MLC1: variants seen among roughly 807,000 people sequenced by gnomAD.
MLC1 encodes modulator of VRAC current 1.
In MLC1, 32 loss-of-function variants were observed where a neutral mutation model predicts 44.7. The ratio of observed to expected loss-of-function variants is 0.72; its 90% CI spans 0.54 to 0.96. The LOEUF is 0.96. Among genes scored for constraint, MLC1 ranks in the 40% least tolerant of loss-of-function variants. The pLI is 0.00. For missense variants in MLC1, 459 were observed against 492.2 expected (o/e 0.93, Z 0.64); for synonymous variants, 190 against 213.0 (o/e 0.89, Z 0.94).
intron 7 of MLC1, among the ~76,000 whole-genome samples, chr22:50,076,632 A>G (rs1257964936): frequency 6.6e-6 from 1 of 152,208 alleles, no homozygotes; most frequent in Admixed American, 6.5e-5. Flanking sequence ...TAAAAATTAC[A>G]GGACACCAGC....
chr22:50,074,402 G>T, intron 7 of MLC1, 70 bp from the exon 8 acceptor site: 2 of 1,337,246 alleles, frequency 1.5e-6, no homozygotes, highest in Non-Finnish European at 2.1e-6. Context: ...AATGCACTGT[G>T]CAGACATGGA....
intron 7 of MLC1, among the ~76,000 whole-genome samples, chr22:50,075,933 G>A (rs1333332688): frequency 6.6e-6 from 1 of 152,092 alleles, no homozygotes; most frequent in Non-Finnish European, 1.5e-5. Context: ...CGCATGGTCT[G>A]TTTATCAAGG....
intron 8 of MLC1, among the ~76,000 whole-genome samples, chr22:50,072,421 G>A (rs2061875129): frequency 6.6e-6 from 1 of 152,234 alleles, no homozygotes; most frequent in Admixed American, 6.5e-5. Flanking sequence ...CACCACGCAT[G>A]CCTCAGCGCT....
chr22:50,073,419 G>C (rs1230030601), intron 8 of MLC1, among the ~76,000 whole-genome samples: 2 of 152,246 alleles, frequency 1.3e-5, no homozygotes, highest in Non-Finnish European at 2.9e-5. Flanking sequence ...GCTGTGAGGG[G>C]ATCTGGGGTG....
At chr22:50,077,179 G>C (rs1333818821) in intron 6 of MLC1, among the ~76,000 whole-genome samples, 1 of 152,182 alleles carries the variant, frequency 6.6e-6, no homozygotes, top group Admixed American at 6.5e-5. Flanking sequence ...GGAGGGTACA[G>C]CATCTGTCTT....
intron 4 of MLC1, 93 bp from the exon 5 acceptor site, chr22:50,080,112 T>C (rs2062082768): frequency 6.2e-6 from 7 of 1,121,332 alleles, no homozygotes; most frequent in Non-Finnish European, 9.4e-6. Context: ...CACTAAAAAT[T>C]ATCCTGATTA....
intron 10 of MLC1, among the ~76,000 whole-genome samples, chr22:50,066,128 A>G (rs1781308757): frequency 6.6e-6 from 1 of 152,092 alleles, no homozygotes; most frequent in Admixed American, 6.6e-5. Flanking sequence ...GCTTGAGCCC[A>G]GGAGCTCATG....
At chr22:50,082,938 G>T in intron 3 of MLC1, 146 bp downstream of exon 3, 1 of 829,594 alleles carries the variant, frequency 1.2e-6, no homozygotes, top group Non-Finnish European at 2.0e-6. Context: ...GTGCTGGCAT[G>T]ACAGCCATGA....
Position 50,061,409 on chromosome 22 carries a change from G to T in MLC1, c.*174C>A. On this transcript the variant is annotated 3_prime_UTR_variant, in exon 12 of 12. Transcript: ENST00000311597. ...ACTGAGGCACAGACTAGCCAACATT[G>T]GCCTATTTTAAAATTAAACTACCCT... 1.5e-6 allele frequency: 1 copy of T among 686,174 alleles called. No individual in the cohort carries two copies. The highest frequency in any genetic ancestry group is 2.6e-6 in the Non-Finnish European group (1 of 388,412). 42.5% of individuals were successfully genotyped at this position (686,174 alleles called of 1,614,324 possible).
intron 7 of MLC1, among the ~76,000 whole-genome samples, chr22:50,075,601 T>C (rs2061959537): frequency 2.6e-5 from 4 of 151,100 alleles, no homozygotes; most frequent in Admixed American, 1.3e-4. Context: ...TCCCAGCTAC[T>C]CGGGAGGCTG....
chr22:50,074,182 G>T (rs768181061), intron 8 of MLC1, 34 bp downstream of exon 8: 9 of 1,550,972 alleles, frequency 5.8e-6, no homozygotes, highest in Non-Finnish European at 8.0e-6. Context: ...GTGTGGCCCA[G>T]AGCGGCGGCG....
intron 3 of MLC1, among the ~76,000 whole-genome samples, chr22:50,081,043 AAGAAAG>A (rs1331569599): frequency 6.1e-5 from 9 of 147,940 alleles, no homozygotes; most frequent in African/African-American, 2.3e-4. Flanking sequence ...GAAAGAAAGA[AAGAAAG>A]AAAGAAAGAG....
chr22:50,063,751 C>T (rs1272481072), intron 11 of MLC1, among the ~76,000 whole-genome samples: 1 of 144,734 alleles, frequency 6.9e-6, no homozygotes, highest in African/African-American at 2.5e-5. Context: ...GTGCCCCCAC[C>T]CCACAGGCTT....
At position 50,074,198 on chromosome 22, in the gene MLC1, G is replaced by A; in HGVS notation, c.714+18C>T. Reference sequence around the variant, plus strand: ...TGTGGCCCAGAGCGGCGGCGGGCGGGCCAGAGGGGTTACTCACGGCCACTA... The same window carrying A: ...TGTGGCCCAGAGCGGCGGCGGGCGGACCAGAGGGGTTACTCACGGCCACTA... On this transcript the variant is annotated intron_variant, in intron 8 of 11. Coordinates refer to ENST00000311597, the MANE Select transcript of MLC1 (RefSeq NM_015166.4). 1 of 1,601,028 alleles carries A rather than the reference G, an allele frequency of 6.2e-7. No individual in the cohort carries two copies. The highest frequency in any genetic ancestry group is 8.5e-7 in the Non-Finnish European group (1 of 1,170,700).
At chr22:50,071,314 A>C (rs1193977068) in intron 8 of MLC1, among the ~76,000 whole-genome samples, 1 of 151,112 alleles carries the variant, frequency 6.6e-6, no homozygotes, top group African/African-American at 2.4e-5. Context: ...CTGGTCTCGA[A>C]CTCCTGACCT....
chr22:50,074,408 AT>A, intron 7 of MLC1, 76 bp from the exon 8 acceptor site: 5 of 1,295,394 alleles, frequency 3.9e-6, no homozygotes, highest in South Asian at 3.5e-5. Flanking sequence ...CTGTGCAGAC[AT>A]GGACCCCCAG....
At chr22:50,077,011 G>T in intron 6 of MLC1, 99 bp from the exon 7 acceptor site, 1 of 1,323,948 alleles carries the variant, frequency 7.6e-7, no homozygotes, top group Non-Finnish European at 1.1e-6. Flanking sequence ...AGGTCAGCCT[G>T]CCGTGTAGAT....
At chr22:50,081,894 G>A (rs536818173) in intron 3 of MLC1, among the ~76,000 whole-genome samples, 171 of 152,384 alleles carry the variant, frequency 1.1e-3, no homozygotes, top group Non-Finnish European at 1.6e-3. Context: ...GGACAAGGGC[G>A]GCTCCCATGG....
At chr22:50,063,885 GCAGGCCAC>G (rs2061638614) in intron 11 of MLC1, 141 bp downstream of exon 11, 1 of 520,536 alleles carries the variant, frequency 1.9e-6, no homozygotes, top group East Asian at 6.3e-5. Flanking sequence ...CCCTCCCCCT[GCAGGCCAC>G]TCACCTCCCC....
Sources: gnomAD v4.1 joint callset for allele counts (sites outside exome capture counted in the v4.1 genomes callset) on GRCh38, gnomAD v4.1.1 for gene constraint, MANE v1.5 for transcripts, NCBI Gene and HGNC (gene_info 2026-07-23, HGNC 2026-07-21) for gene names.